Variants in CPN1 observed in about 807,000 individuals in gnomAD.
CPN1 encodes the protein carboxypeptidase N subunit 1, also known as carboxypeptidase N catalytic chain.
In CPN1, 37 loss-of-function variants were observed where a neutral mutation model predicts 46.4. That is an observed-to-expected ratio of 0.80 (90% confidence interval 0.61 to 1.05). The LOEUF (loss-of-function observed/expected upper bound fraction) is 1.05, where lower values mean the gene tolerates loss of function less well. Among genes scored for constraint, CPN1 ranks in the 50% least tolerant of loss-of-function variants. CPN1 has a pLI of 0.00. For synonymous variants in CPN1, 224 were observed against 235.4 expected (o/e 0.95, Z 0.44); for missense variants, 563 against 602.6 (o/e 0.93, Z 0.69).
At chr10:100,048,236 C>T (rs564516904) in intron 8 of CPN1, among the ~76,000 whole-genome samples, 24 of 152,166 alleles carry the variant, frequency 1.6e-4, no homozygotes, top group African/African-American at 5.8e-4. Flanking sequence ...CTAGACAGTG[C>T]TTTAAATCAC....
At chr10:100,046,528 T>G (rs2041313159) in intron 8 of CPN1, among the ~76,000 whole-genome samples, 1 of 152,100 alleles carries the variant, frequency 6.6e-6, no homozygotes, top group African/African-American at 2.4e-5. Context: ...ATCTCAGCAC[T>G]TTGGGAGGCC....
chr10:100,066,013 T>G (rs144741226), intron 3 of CPN1, among the ~76,000 whole-genome samples: 1 of 152,052 alleles, frequency 6.6e-6, no homozygotes, highest in East Asian at 1.9e-4. Flanking sequence ...TGGAGTGCAG[T>G]GGTGCAATCT....
At chr10:100,049,649 C>T (rs1445847496) in intron 7 of CPN1, among the ~76,000 whole-genome samples, 1 of 151,672 alleles carries the variant, frequency 6.6e-6, no homozygotes, top group Non-Finnish European at 1.5e-5. Flanking sequence ...TCAAGTGATC[C>T]TTCCGCCTCA....
At chr10:100,073,719 G>C (rs1431381712) in intron 2 of CPN1, among the ~76,000 whole-genome samples, 1 of 150,388 alleles carries the variant, frequency 6.6e-6, no homozygotes, top group Non-Finnish European at 1.5e-5. Flanking sequence ...AGGTTCAAGT[G>C]ATTCTCCTGC....
At chr10:100,049,020 G>T (rs776306482) in intron 7 of CPN1, 144 bp from the exon 8 acceptor site, 16 of 624,234 alleles carry the variant, frequency 2.6e-5, no homozygotes, top group Middle Eastern at 4.5e-4. Flanking sequence ...GTGAAGTGGT[G>T]TGATCTCAGC....
chr10:100,066,938 G>A (rs1589476739), intron 3 of CPN1, among the ~76,000 whole-genome samples: 1 of 152,256 alleles, frequency 6.6e-6, no homozygotes, highest in Middle Eastern at 3.4e-3. Flanking sequence ...TCTTCCTCAA[G>A]GATATTCCAT....
At chr10:100,077,826 T>C (rs2041523904) in intron 1 of CPN1, among the ~76,000 whole-genome samples, 1 of 152,202 alleles carries the variant, frequency 6.6e-6, no homozygotes, top group Admixed American at 6.5e-5. Flanking sequence ...ACAGGTAGTT[T>C]TCTTCACATC....
intron 4 of CPN1, 50 bp from the exon 5 acceptor site, chr10:100,063,775 G>T (rs2041436296): frequency 1.4e-6 from 2 of 1,401,804 alleles, no homozygotes; most frequent in Admixed American, 1.7e-5. Flanking sequence ...CAACTCAAAT[G>T]GCAATGCTCC....
intron 3 of CPN1, among the ~76,000 whole-genome samples, chr10:100,068,898 C>T (rs567856387): frequency 1.3e-5 from 2 of 152,228 alleles, no homozygotes; most frequent in East Asian, 1.9e-4. Context: ...GTAAGACAGA[C>T]GTCTCTATAG....
intron 2 of CPN1, among the ~76,000 whole-genome samples, chr10:100,075,119 G>A (rs189192961): frequency 3.2e-4 from 48 of 152,124 alleles, no homozygotes; most frequent in African/African-American, 1.0e-3. Context: ...GCGAAATCCC[G>A]TCTCTACTAA....
intron 7 of CPN1, among the ~76,000 whole-genome samples, chr10:100,050,947 A>G (rs1589471002): frequency 6.6e-6 from 1 of 152,114 alleles, no homozygotes. Context: ...CTTATTTTTA[A>G]TATTTCTTCT....
chr10:100,076,520 T>C (rs746031017), intron 1 of CPN1, among the ~76,000 whole-genome samples: 25 of 152,244 alleles, frequency 1.6e-4, no homozygotes, highest in Non-Finnish European at 2.9e-4. Context: ...AGTAGCATGC[T>C]GCTTCTCAGA....
At chr10:100,068,936 TAGAA>T (rs1459524075) in intron 3 of CPN1, among the ~76,000 whole-genome samples, 2 of 152,180 alleles carry the variant, frequency 1.3e-5, no homozygotes, top group Non-Finnish European at 2.9e-5. Context: ...TCTAGTGTAG[TAGAA>T]AGAATGTTGG....
chr10:100,069,619 G>T, intron 3 of CPN1, 95 bp downstream of exon 3: 2 of 1,417,718 alleles, frequency 1.4e-6, no homozygotes, highest in Non-Finnish European at 2.0e-6. Context: ...CTTAATTCTT[G>T]CTTGTTTAGT....
chr10:100,058,569 G>C (rs1447557409), intron 5 of CPN1, among the ~76,000 whole-genome samples: 1 of 151,664 alleles, frequency 6.6e-6, no homozygotes, highest in Non-Finnish European at 1.5e-5. Flanking sequence ...ATTTCATTTG[G>C]GTTAAAAATT....
At chr10:100,045,289 G>A (rs1436545007) in intron 8 of CPN1, among the ~76,000 whole-genome samples, 1 of 152,196 alleles carries the variant, frequency 6.6e-6, no homozygotes, top group Non-Finnish European at 1.5e-5. Context: ...GCGTTGAACA[G>A]ACTTGCTGGT....
In CPN1 at chr10:100,052,736, T is replaced by C. The variant is rs185363601; in HGVS notation, c.1111+1611A>G. On this transcript the variant is annotated intron_variant, in intron 7 of 8. Coordinates refer to ENST00000370418, the MANE Select transcript of CPN1 (RefSeq NM_001308.3). ...AAAAATAAAAAATAAAAAAATTAGC[T>C]GAGCATGGTGGTATGCACTTGTAGT... Among the ~76,000 whole-genome samples the C allele has an allele frequency of 4.1e-4, 62 of 152,166 alleles. No individual in the cohort carries two copies. The East Asian group carries it at 0.012, about 29-fold the overall frequency.
rs781573757 is a variant in CPN1, at chr10:100,081,563, C to G, written c.63G>C (p.Val21=). ...CATCATAGCGGTGGTGGCGAAAGGT[C>G]ACCGGGGCAACCAACTTGAAGAGAA... ...LLLLFKLVAP[V]TFRHHRYDDL... is the part of the protein sequence containing the mutation. The change falls in exon 1 of 9, where the codon GTG becomes GTC. Residue 21 remains valine (V), a synonymous_variant. Transcript: ENST00000370418. The G allele has an allele frequency of 6.2e-7, 1 of 1,614,126 alleles. No homozygotes were observed. Among genetic ancestry groups the G allele is most frequent in the African/African-American group, 1.3e-5 (1 of 75,036 alleles).
intron 2 of CPN1, among the ~76,000 whole-genome samples, chr10:100,074,099 A>C (rs1284948406): frequency 2.6e-5 from 4 of 152,118 alleles, no homozygotes; most frequent in Non-Finnish European, 5.9e-5. Context: ...TTCCATCTGC[A>C]ACCTTAATTC....
Sources: gnomAD v4.1 joint callset for allele counts (sites outside exome capture counted in the v4.1 genomes callset) on GRCh38, gnomAD v4.1.1 for gene constraint, MANE v1.5 for transcripts, NCBI Gene and HGNC (gene_info 2026-07-23, HGNC 2026-07-21) for gene names.